EIF5B: variants seen among roughly 807,000 people sequenced by gnomAD.
EIF5B encodes the protein eIF-5B.
A neutral mutation model predicts 147.5 loss-of-function variants in EIF5B; 47 were observed. The observed-to-expected ratio is 0.32, with a 90% CI of 0.25 to 0.41. EIF5B has a LOEUF of 0.41. Among genes scored for constraint, EIF5B ranks in the 10% least tolerant of loss-of-function variants. The pLI, the probability that EIF5B is intolerant of heterozygous loss-of-function variation, is 1.00. For missense variants in EIF5B, 1,064 were observed against 1,413.2 expected (o/e 0.75, Z 3.96); for synonymous variants, 455 against 456.2 (o/e 1.00, Z 0.03).
chr2:99,390,424 A>ATTG, intron 16 of EIF5B, 23 bp downstream of exon 16: 1 of 1,513,798 alleles, frequency 6.6e-7, no homozygotes, highest in Non-Finnish European at 8.8e-7. Flanking sequence ...TTTTCAGTTT[A>ATTG]TTGTTTTTTT....
chr2:99,394,962 A>G (rs943734052), intron 21 of EIF5B, 79 bp downstream of exon 21: 5 of 1,319,182 alleles, frequency 3.8e-6, no homozygotes, highest in Admixed American at 2.6e-5. Flanking sequence ...AAAGGGCTGT[A>G]AACAGCAAAA....
chr2:99,389,598 G>GAGTA (rs3842563), intron 14 of EIF5B, 120 bp from the exon 15 acceptor site: 419,643 of 757,238 alleles, frequency 0.55, 121,338 homozygotes, highest in African/African-American at 0.75. Flanking sequence ...TAAAGTGTAT[G>GAGTA]AGTAAGTCAC....
intron 1 of EIF5B, among the ~76,000 whole-genome samples, chr2:99,358,542 C>T (rs960824851): frequency 4.6e-5 from 7 of 152,198 alleles, no homozygotes; most frequent in African/African-American, 1.4e-4. Context: ...AGATCTGGTA[C>T]ACAATCACCT....
intron 9 of EIF5B, among the ~76,000 whole-genome samples, chr2:99,371,965 G>A (rs894497991): frequency 1.4e-5 from 2 of 139,916 alleles, no homozygotes; most frequent in African/African-American, 5.6e-5. Context: ...GGTTTAGAAT[G>A]CATTTTTTCA....
At position 99,393,104 on chromosome 2, in the gene EIF5B, T is replaced by C; in HGVS notation, c.2880+6T>C. On this transcript the variant is annotated splice_donor_region_variant and intron_variant, in intron 18 of 23. Transcript: ENST00000289371. ...ATGAAATCCCTGTTCTTAAAGTAAG[T>C]TCATTTAAAAATTTTTTTCCTTAAA... The C allele has an allele frequency of 6.6e-7, 1 of 1,519,928 alleles. No homozygotes were observed. The highest frequency in any genetic ancestry group is 2.4e-5 in the East Asian group (1 of 40,904). 94.2% of individuals were successfully genotyped at this position (1,519,928 alleles called of 1,614,324 possible).
In EIF5B at chr2:99,354,796, CTTTTTTTTTT is replaced by C. The variant is rs57735386; in HGVS notation, c.36-5425_36-5416del. On this transcript the variant is annotated intron_variant, in intron 1 of 23. Transcript: ENST00000289371. ...CTTTGTCAAAAATTAATTGGTTGTA[CTTTTTTTTTT>C]TTTTTTTTTTTTTTGAGACAGTGTT... Among the ~76,000 whole-genome samples, 6 of 80,022 alleles carry C rather than the reference CTTTTTTTTTT, an allele frequency of 7.5e-5. No homozygotes were observed. In the East Asian group the frequency reaches 9.7e-4, roughly 13 times the overall value. The allele number at this position is 80,022 out of a possible 152,430, so 52.5% of individuals were successfully genotyped here.
intron 9 of EIF5B, 93 bp from the exon 10 acceptor site, chr2:99,376,254 A>G: frequency 1.2e-6 from 1 of 863,004 alleles, no homozygotes; most frequent in Admixed American, 3.0e-5. Flanking sequence ...AGGGAAGCCA[A>G]AAGATTGGAC....
chr2:99,382,489 C>T (rs537659710), intron 13 of EIF5B, among the ~76,000 whole-genome samples: 5 of 152,238 alleles, frequency 3.3e-5, no homozygotes, highest in South Asian at 2.1e-4. Context: ...CTGTAAAACC[C>T]GTTACAAGTG....
chr2:99,364,195 G>A (rs1674279534), intron 5 of EIF5B, 76 bp from the exon 6 acceptor site: 3 of 1,494,606 alleles, frequency 2.0e-6, no homozygotes, highest in Non-Finnish European at 2.7e-6. Context: ...TTTATTTGAA[G>A]TTTGGATTGT....
At position 99,363,710 on chromosome 2, in the gene EIF5B, GAGAA is replaced by G; in HGVS notation, c.989_992del (p.Lys330ArgfsTer36). The G allele has an allele frequency of 6.2e-7, 1 of 1,604,180 alleles. No individual in the cohort carries two copies. Among genetic ancestry groups the G allele is most frequent in the Non-Finnish European group, 8.5e-7 (1 of 1,177,468 alleles). On this transcript the variant is annotated frameshift_variant, in exon 5 of 24. Transcript: ENST00000289371. LOFTEE classifies it high-confidence loss of function. ...AAAGAAAGGAGAAAAGGAAGAAAAA[GAGAA>G]AGAGAAGAAAAAAGGACCTAGCAAA...
intron 4 of EIF5B, among the ~76,000 whole-genome samples, chr2:99,362,026 T>G (rs1674226438): frequency 6.6e-6 from 1 of 152,340 alleles, no homozygotes; most frequent in Admixed American, 6.5e-5. Flanking sequence ...TCTTTCAGAT[T>G]ATTTATGTAC....
At chr2:99,389,958 C>A in intron 15 of EIF5B, 109 bp downstream of exon 15, 2 of 1,391,200 alleles carry the variant, frequency 1.4e-6, no homozygotes, top group South Asian at 1.5e-5. Flanking sequence ...CCTCTGTTGA[C>A]AGCAATTACT....
intron 1 of EIF5B, among the ~76,000 whole-genome samples, chr2:99,345,055 G>C (rs2094269552): frequency 6.6e-6 from 1 of 152,162 alleles, no homozygotes; most frequent in East Asian, 1.9e-4. Flanking sequence ...TGTCTGTGTT[G>C]TCAGATAAAT....
rs748343393 is a variant in EIF5B at position 99,389,862 on chromosome 2, T to G, written c.2403+13T>G. On this transcript the variant is annotated intron_variant, in intron 15 of 23. Transcript: ENST00000289371. Reference sequence around the variant, plus strand: ...ATTTGCACAGCAGGTAAGAAGGCCTTCCTTCTTTCTGAAGAGCCTATCTCA... The same window carrying G: ...ATTTGCACAGCAGGTAAGAAGGCCTGCCTTCTTTCTGAAGAGCCTATCTCA... 1.9e-6 allele frequency: 3 copies of G among 1,597,138 alleles called. No homozygotes were observed. Among genetic ancestry groups the G allele is most frequent in the South Asian group, 1.1e-5 (1 of 86,992 alleles).
rs1039893631 is a variant in EIF5B, at chr2:99,400,017, C to G, written c.*603C>G. 5 of 152,402 alleles carry G rather than the reference C, an allele frequency of 3.3e-5. No homozygotes were observed. Among genetic ancestry groups the G allele is most frequent in the African/African-American group, 1.2e-4 (5 of 41,404 alleles). The allele number at this position is 152,402 out of a possible 1,614,324, so 9.4% of individuals were successfully genotyped here. On this transcript the variant is annotated 3_prime_UTR_variant, in exon 24 of 24. Transcript: ENST00000289371. Reference sequence around the variant, plus strand: ...TGTGTAGTCACGAGTCCATTGTAATCATCACAATTCTAAACCAAACTACCA... The same window carrying G: ...TGTGTAGTCACGAGTCCATTGTAATGATCACAATTCTAAACCAAACTACCA...
chr2:99,396,249 G>T (rs907849726), intron 21 of EIF5B, among the ~76,000 whole-genome samples: 9 of 152,198 alleles, frequency 5.9e-5, no homozygotes, highest in Admixed American at 3.3e-4. Flanking sequence ...CATTTTAAGC[G>T]TGTGCTCAAT....
intron 14 of EIF5B, among the ~76,000 whole-genome samples, chr2:99,386,013 TG>T (rs1674799056): frequency 1.3e-5 from 2 of 152,244 alleles, no homozygotes; most frequent in African/African-American, 4.8e-5. Context: ...TTGTTACTCA[TG>T]TTATTATGCT....
chr2:99,361,852 G>A (rs994581329), intron 4 of EIF5B, 32 bp downstream of exon 4: 1 of 1,487,160 alleles, frequency 6.7e-7, no homozygotes, highest in Non-Finnish European at 8.9e-7. Flanking sequence ...AAGAGCAAAA[G>A]GCTTTTGATT....
rs371688851 is a variant in EIF5B at position 99,350,653 on chromosome 2, A to G, written c.36-9583A>G. 1.1e-4 allele frequency among the ~76,000 whole-genome samples: 17 copies of G among 152,222 alleles called. No individual in the cohort carries two copies. In the East Asian group the frequency reaches 3.1e-3, roughly 28 times the overall value. ...TTTGAGTTCCATATGTATTCTGGATATTAACCCCTTGTTAGATATATAGTT... is the reference window on the plus strand; with the variant it reads ...TTTGAGTTCCATATGTATTCTGGATGTTAACCCCTTGTTAGATATATAGTT... On this transcript the variant is annotated intron_variant, in intron 1 of 23. Coordinates refer to ENST00000289371, the MANE Select transcript of EIF5B (RefSeq NM_015904.4).
Sources: gnomAD v4.1 joint callset for allele counts (sites outside exome capture counted in the v4.1 genomes callset) on GRCh38, gnomAD v4.1.1 for gene constraint, MANE v1.5 for transcripts, NCBI Gene and HGNC (gene_info 2026-07-23, HGNC 2026-07-21) for gene names.